RPH3AL: variants seen among roughly 807,000 people sequenced by gnomAD.
RPH3AL encodes the protein rabphilin 3A like (without C2 domains).
RPH3AL carries 38 observed loss-of-function variants against 43.1 expected under a neutral mutation model. The ratio of observed to expected loss-of-function variants is 0.88; its 90% CI spans 0.68 to 1.15. RPH3AL has a LOEUF of 1.15. Ranked by LOEUF, RPH3AL falls within the 50% of genes most tolerant of loss-of-function variation. The pLI is 0.00. For synonymous variants in RPH3AL, 189 were observed against 176.3 expected, an observed-to-expected ratio of 1.07 and a Z score of -0.57; for missense variants, 462 against 423.2, an observed-to-expected ratio of 1.09 and a Z score of -0.81.
At chr17:217,112 C>A (rs2040824920) in intron 8 of RPH3AL, among the ~76,000 whole-genome samples, 1 of 142,678 alleles carries the variant, frequency 7.0e-6, no homozygotes. Context: ...ATTGGCCTCG[C>A]TGAAATCAGG....
In RPH3AL at chr17:289,047, G is replaced by A. The variant is rs2042986526; in HGVS notation, c.352-7193C>T. ...GAACACAGGGGAGGGGGTTCCCCAG[G>A]GACCTGCCCACGGGACACAGGCTTT... On this transcript the variant is annotated intron_variant, in intron 5 of 9. Transcript: ENST00000331302. The surrounding 1 kb of genome is among the most constrained non-coding windows in gnomAD (Gnocchi z 5.2). Among the ~76,000 whole-genome samples, 1 of 152,136 alleles carries A rather than the reference G, an allele frequency of 6.6e-6. No homozygotes were observed. The highest frequency in any genetic ancestry group is 2.4e-5 in the African/African-American group (1 of 41,430).
chr17:351,675 T>C (rs1488057465), intron 1 of RPH3AL, among the ~76,000 whole-genome samples: 1 of 152,182 alleles, frequency 6.6e-6, no homozygotes, highest in Admixed American at 6.5e-5. Flanking sequence ...TCCCGTACGA[T>C]TCTTTACTTA....
chr17:315,208 C>G (rs62053755), intron 5 of RPH3AL, among the ~76,000 whole-genome samples: 6,921 of 7,322 alleles, frequency 0.95, 3,326 homozygotes, highest in Middle Eastern at 1. Context: ...CACCTCCATT[C>G]ACCTGTAGTC....
intron 5 of RPH3AL, among the ~76,000 whole-genome samples, chr17:315,642 G>T (rs1555520218): frequency 3.4e-5 from 5 of 148,968 alleles, no homozygotes; most frequent in African/African-American, 7.6e-5. Flanking sequence ...CCACTGACCT[G>T]TAGTCCCTGT....
chr17:308,337 G>A (rs2043554250), intron 5 of RPH3AL, among the ~76,000 whole-genome samples: 1 of 152,202 alleles, frequency 6.6e-6, no homozygotes, highest in African/African-American at 2.4e-5. Flanking sequence ...CTTCTCCTAA[G>A]CCTTATGCTT....
intron 7 of RPH3AL, among the ~76,000 whole-genome samples, chr17:240,931 C>T (rs1392447449): frequency 6.6e-6 from 1 of 151,898 alleles, no homozygotes; most frequent in African/African-American, 2.4e-5. Context: ...GTAGCGGGCG[C>T]CTGTAGTCCC....
At chr17:278,095 T>G (rs2151601199) in intron 6 of RPH3AL, among the ~76,000 whole-genome samples, 1 of 152,284 alleles carries the variant, frequency 6.6e-6, no homozygotes, top group East Asian at 1.9e-4. Context: ...CATCTTGAAC[T>G]GCAGCTCCCA....
chr17:242,249 T>TTACCTTCCTCTATTGAC (rs1567576128), intron 7 of RPH3AL, among the ~76,000 whole-genome samples: 2 of 139,292 alleles, frequency 1.4e-5, no homozygotes, highest in African/African-American at 5.3e-5. Flanking sequence ...CTATTCATGA[T>TTACCTTCCTCTATTGAC]TACCTTCCTC....
At chr17:309,411 G>C (rs541763522) in intron 5 of RPH3AL, among the ~76,000 whole-genome samples, 13 of 151,852 alleles carry the variant, frequency 8.6e-5, no homozygotes, top group Admixed American at 8.5e-4. Context: ...CCTGCCCAGG[G>C]CTCCTGCCAG....
rs2041788355 is a variant in RPH3AL, at chr17:247,205, A to T, written c.519T>A (p.Asp173Glu). The change falls in exon 7 of 10, where the codon GAT (aspartate) becomes GAA (glutamate). Residue 173 changes from aspartate (D) to glutamate (E), a missense_variant. Coordinates refer to ENST00000331302, the MANE Select transcript of RPH3AL (RefSeq NM_006987.4). ...ILPLKTPGRA[D>E]DPHFRPLPTE... ...TGGGCAAAGGTCGGAAGTGGGGGTC[A>T]TCAGCTCGGCCAGGGGTCTTCAGGG... The T allele has an allele frequency of 6.2e-7, 1 of 1,613,850 alleles. No homozygotes were observed.
chr17:243,918 T>A (rs111934115), intron 7 of RPH3AL, among the ~76,000 whole-genome samples: 7,506 of 143,646 alleles, frequency 0.052, 234 homozygotes, highest in Admixed American at 0.084. Context: ...CTCTATTGAT[T>A]ACCTTCCTCT....
chr17:260,799 C>G (rs1198942623), intron 6 of RPH3AL, among the ~76,000 whole-genome samples: 1 of 152,156 alleles, frequency 6.6e-6, no homozygotes, highest in African/African-American at 2.4e-5. Flanking sequence ...GCCTCCCTCT[C>G]AGCCTCACCT....
At chr17:235,373 C>G (rs370623659) in intron 7 of RPH3AL, among the ~76,000 whole-genome samples, 691 of 68,518 alleles carry the variant, frequency 0.01, no homozygotes, top group South Asian at 0.018. Context: ...TGGGGTCGGC[C>G]GAGGCTCTAC....
Position 297,748 on chromosome 17 carries a change from C to T in RPH3AL, c.352-15894G>A, listed in dbSNP as rs111274816. ...TCCCAGGAGGGTGAGGCAGCAGCCT[C>T]GGTCCTCTCTCCACCATCCCCTTCC... On this transcript the variant is annotated intron_variant, in intron 5 of 9. Coordinates refer to ENST00000331302, the MANE Select transcript of RPH3AL (RefSeq NM_006987.4). Among the ~76,000 whole-genome samples, 220 of 152,340 alleles carry T rather than the reference C, an allele frequency of 1.4e-3. 3 individuals carry two copies. The East Asian group carries it at 0.034, about 23-fold the overall frequency.
chr17:322,073 C>CG lies in RPH3AL; in HGVS notation c.78-659dup, dbSNP rs977442826. Among the ~76,000 whole-genome samples the CG allele has an allele frequency of 4.0e-4, 61 of 151,908 alleles. No homozygotes were observed. The highest frequency in any genetic ancestry group is 1.3e-3 in the African/African-American group (55 of 41,410). ...ACTTTGAAAACTAGCAGGTTCGAGG[C>CG]GGGGGGGAAGCGAGTTACAGAAGAG... is the stretch of plus-strand genomic sequence containing the variant. On this transcript the variant is annotated intron_variant, in intron 3 of 9. Transcript: ENST00000331302. The surrounding 1 kb of genome is among the most constrained non-coding windows in gnomAD (Gnocchi z 4.0).
intron 6 of RPH3AL, among the ~76,000 whole-genome samples, chr17:249,255 G>A (rs1296599606): frequency 6.6e-6 from 1 of 152,112 alleles, no homozygotes; most frequent in African/African-American, 2.4e-5. Context: ...GAGAAGGGCA[G>A]GCCAAGGTTC....
At chr17:324,260 C>G (rs1046034509) in intron 3 of RPH3AL, among the ~76,000 whole-genome samples, 1 of 152,234 alleles carries the variant, frequency 6.6e-6, no homozygotes, top group Non-Finnish European at 1.5e-5. Flanking sequence ...AGGGCCGCCT[C>G]CGCACCCACG....
At chr17:311,464 C>T (rs1034204363) in intron 5 of RPH3AL, among the ~76,000 whole-genome samples, 2 of 152,178 alleles carry the variant, frequency 1.3e-5, no homozygotes, top group African/African-American at 4.8e-5. Context: ...CCCACTCCTC[C>T]AGGCAGCCCT....
At position 323,109 on chromosome 17, in the gene RPH3AL, CAT is replaced by C. The variant is rs1164448192; in HGVS notation, c.78-1696_78-1695del. 6.6e-6 allele frequency among the ~76,000 whole-genome samples: 1 copy of C among 152,016 alleles called. No individual in the cohort carries two copies. Among genetic ancestry groups the C allele is most frequent in the Non-Finnish European group, 1.5e-5 (1 of 67,998 alleles). On this transcript the variant is annotated intron_variant, in intron 3 of 9. Coordinates refer to ENST00000331302, the MANE Select transcript of RPH3AL (RefSeq NM_006987.4). This position sits in a 1 kb window ranked among gnomAD's most constrained non-coding sequence, Gnocchi z 4.4. ...GGAGGGCTGTCAGGCATGGCTTTAC[CAT>C]GTGTGAGCTTTTGCAGGATGAACAG...
Sources: allele counts gnomAD v4.1 joint callset (sites outside exome capture counted in the v4.1 genomes callset), GRCh38; gene constraint gnomAD v4.1.1; non-coding constraint Gnocchi (gnomAD v3.1); transcripts MANE v1.5; gene names NCBI Gene and HGNC (gene_info 2026-07-23, HGNC 2026-07-21).